Variants in C12orf42 observed in about 807,000 individuals in gnomAD.
C12orf42 encodes the protein chromosome 12 open reading frame 42.
Under a neutral mutation model 21.6 loss-of-function variants are expected in C12orf42, and 25 were observed. That is an observed-to-expected ratio of 1.16 (90% CI 0.84 to 1.62). The LOEUF (loss-of-function observed/expected upper bound fraction) is 1.62. C12orf42 is among the 40% of genes most tolerant of loss of function. The probability of loss-of-function intolerance (pLI) is 0.00; values close to 1 mark genes in which losing one functional copy is unlikely to be tolerated. For synonymous variants in C12orf42, 174 were observed against 175.0 expected (o/e 0.99, Z 0.05); for missense variants, 483 against 459.3 (o/e 1.05, Z -0.47).
chr12:103,325,313 C>T (rs1160753524), intron 4 of C12orf42, among the ~76,000 whole-genome samples: 1 of 152,178 alleles, frequency 6.6e-6, no homozygotes, highest in Non-Finnish European at 1.5e-5. Context: ...GCATCTGATG[C>T]TTACAGACCT....
At chr12:103,292,463 G>A (rs1219145308) in intron 4 of C12orf42, among the ~76,000 whole-genome samples, 3 of 151,958 alleles carry the variant, frequency 2.0e-5, no homozygotes, top group Non-Finnish European at 4.4e-5. Context: ...AATCTTTGTG[G>A]CTTAAAAACA....
chr12:103,376,713 T>G (rs2138091107), intron 3 of C12orf42, among the ~76,000 whole-genome samples: 1 of 152,336 alleles, frequency 6.6e-6, no homozygotes, highest in South Asian at 2.1e-4. Context: ...AAAACTTTTA[T>G]GATCTCTTTG....
At position 103,305,982 on chromosome 12, in the gene C12orf42, T is replaced by A. The variant is rs887231179; in HGVS notation, c.623A>T (p.Lys208Ile). 6.3e-7 allele frequency: 1 copy of A among 1,599,284 alleles called. No individual in the cohort carries two copies. The highest frequency in any genetic ancestry group is 1.7e-5 in the Admixed American group (1 of 59,444). The change falls in exon 5 of 6, where the codon AAA becomes ATA. Residue 208 changes from lysine to isoleucine, a missense_variant. Physicochemically the swap from Lys to Ile is moderately radical, Grantham distance 102. Transcript: ENST00000548883. ...PKGQPLSSPK[K>I]NSGSAARPST... ...CACAACATGATACTTACCAGAATTT[T>A]TCTTGGGACTGCTCAAGGGCTGGCC...
chr12:103,423,847 T>C (rs746770699), intron 2 of C12orf42, among the ~76,000 whole-genome samples: 1 of 152,234 alleles, frequency 6.6e-6, no homozygotes, highest in East Asian at 1.9e-4. Context: ...CGGCATCCCC[T>C]GTAAAGATAA....
At chr12:103,258,507 C>A (rs1319531280) in intron 10 of C12orf42, among the ~76,000 whole-genome samples, 1 of 151,698 alleles carries the variant, frequency 6.6e-6, no homozygotes, top group African/African-American at 2.4e-5. Context: ...ATTATAACAT[C>A]TTGTTTTTTG....
At chr12:103,521,205 A>G in the C12orf42 span, among the ~76,000 whole-genome samples, 1 of 152,240 alleles carries the variant, frequency 6.6e-6, no homozygotes, top group Non-Finnish European at 1.5e-5. Context: ...AACTGAACCC[A>G]GAGTGGAATA....
chr12:103,337,953 G>A (rs539938299), intron 4 of C12orf42, among the ~76,000 whole-genome samples: 4 of 152,090 alleles, frequency 2.6e-5, no homozygotes, highest in East Asian at 1.9e-4. Context: ...CCAAGACCAC[G>A]TTATATTAAT....
At chr12:103,247,339 ATTTG>A (rs928398235) in intron 10 of C12orf42, among the ~76,000 whole-genome samples, 5 of 152,006 alleles carry the variant, frequency 3.3e-5, no homozygotes, top group Non-Finnish European at 7.4e-5. Flanking sequence ...CAAACTTTTT[ATTTG>A]TTCTAGACCT....
the C12orf42 span, among the ~76,000 whole-genome samples, chr12:103,048,991 A>G: frequency 1.3e-5 from 2 of 152,162 alleles, no homozygotes; most frequent in Non-Finnish European, 2.9e-5. Context: ...AGTGGCTACC[A>G]TACTGCACAG....
the C12orf42 span, among the ~76,000 whole-genome samples, chr12:103,224,873 C>T: frequency 6.6e-6 from 1 of 152,046 alleles, no homozygotes; most frequent in Non-Finnish European, 1.5e-5. Context: ...CCACACTATG[C>T]CTAGGAAGGA....
the C12orf42 span, among the ~76,000 whole-genome samples, chr12:103,072,089 C>T: frequency 6.6e-6 from 1 of 152,052 alleles, no homozygotes; most frequent in Non-Finnish European, 1.5e-5. Flanking sequence ...GTCTAAATTC[C>T]TTTTATTTCC....
intron 5 of C12orf42, chr12:103,274,011 T>C (rs2035619681): frequency 2.3e-6 from 1 of 443,780 alleles, no homozygotes; most frequent in Non-Finnish European, 4.6e-6. Context: ...CTGTCCTGCT[T>C]TTTTAGTTCC....
At chr12:103,384,391 A>G (rs190652570) in intron 3 of C12orf42, among the ~76,000 whole-genome samples, 3 of 152,350 alleles carry the variant, frequency 2.0e-5, no homozygotes, top group South Asian at 4.1e-4. Context: ...TGGTTTGTAT[A>G]CCAGGCACTA....
intron 4 of C12orf42, among the ~76,000 whole-genome samples, chr12:103,358,024 G>A (rs1402299854): frequency 1.3e-5 from 2 of 152,026 alleles, no homozygotes; most frequent in Non-Finnish European, 2.9e-5. Context: ...TGGTAGACTG[G>A]TTGGTACAGT....
chr12:103,213,190 A>G, the C12orf42 span, among the ~76,000 whole-genome samples: 1 of 152,156 alleles, frequency 6.6e-6, no homozygotes, highest in Non-Finnish European at 1.5e-5. Flanking sequence ...GGTACTAAGT[A>G]CTTTCCATAA....
chr12:103,504,875 T>G, the C12orf42 span: 5 of 164,990 alleles, frequency 3.0e-5, no homozygotes, highest in Non-Finnish European at 6.6e-5. Context: ...ACACATGACA[T>G]GCGCACCCTG....
chr12:103,072,476 T>C, the C12orf42 span, among the ~76,000 whole-genome samples: 1 of 151,718 alleles, frequency 6.6e-6, no homozygotes, highest in South Asian at 2.1e-4. Context: ...TGGCCACAAA[T>C]ATAAGAATTC....
At chr12:103,517,683 A>AT in the C12orf42 span, among the ~76,000 whole-genome samples, 2 of 135,628 alleles carry the variant, frequency 1.5e-5, no homozygotes, top group Admixed American at 6.9e-5. Context: ...GCTTTGAATT[A>AT]TTTTTTTTCA....
chr12:103,107,641 A>T, the C12orf42 span, among the ~76,000 whole-genome samples: 1 of 151,888 alleles, frequency 6.6e-6, no homozygotes, highest in Non-Finnish European at 1.5e-5. Context: ...TTTAACACAA[A>T]TTAGAAAGGG....
Sources: gnomAD v4.1 joint callset for allele counts (sites outside exome capture counted in the v4.1 genomes callset) on GRCh38, gnomAD v4.1.1 for gene constraint, MANE v1.5 for transcripts, NCBI Gene and HGNC (gene_info 2026-07-23, HGNC 2026-07-21) for gene names.